The following ZNF557 variants were observed in gnomAD, a reference collection of about 807,000 sequenced individuals.
ZNF557 encodes the protein zinc finger protein 557, also known as CTB-25J19.9.
ZNF557 carries 19 observed loss-of-function variants against 21.2 expected under a neutral mutation model. That is an observed-to-expected ratio of 0.90 (90% confidence interval 0.63 to 1.32). The LOEUF is 1.32. ZNF557 is among the 40% of genes most tolerant of loss of function. The pLI, the probability that ZNF557 is intolerant of heterozygous loss-of-function variation, is 0.00. For missense variants in ZNF557, 487 were observed against 519.8 expected (o/e 0.94, Z 0.61); for synonymous variants, 207 against 194.8 (o/e 1.06, Z -0.52).
chr19:7,082,957 G>T lies in ZNF557; in HGVS notation c.506G>T (p.Arg169Leu). 1 of 1,613,848 alleles carries T rather than the reference G, an allele frequency of 6.2e-7. No homozygotes were observed. The change falls in exon 8 of 8, where the codon CGG becomes CTG. Residue 169 changes from arginine to leucine, a missense_variant. Arg to Leu is a moderately radical substitution (Grantham distance 102). Coordinates refer to ENST00000252840, the MANE Select transcript of ZNF557 (RefSeq NM_024341.3). The stretch of plus-strand genomic sequence containing the variant: ...TTCAGCACAAAATCTTCCCTTACAC[G>T]GCACAGGAAGATTCATACTGGAGAA... The part of the protein sequence containing the change: ...KVFSTKSSLT[R>L]HRKIHTGERP...
chr19:7,076,224 A>G (rs977380910), intron 4 of ZNF557, among the ~76,000 whole-genome samples, 157 bp from the exon 5 acceptor site: 1 of 152,196 alleles, frequency 6.6e-6, no homozygotes, highest in African/African-American at 2.4e-5. Flanking sequence ...CTCAGAAGCC[A>G]GGGAGAAGAG....
chr19:7,070,099 G>A (rs544264283), intron 1 of ZNF557, among the ~76,000 whole-genome samples: 1 of 152,202 alleles, frequency 6.6e-6, no homozygotes, highest in Non-Finnish European at 1.5e-5. Flanking sequence ...GCATCCTGCA[G>A]CGCGTAAAGC....
intron 6 of ZNF557, 92 bp downstream of exon 6, chr19:7,081,547 G>A (rs1023273650): frequency 3.4e-6 from 3 of 874,366 alleles, no homozygotes; most frequent in Admixed American, 2.3e-5. Context: ...GGAAATATCA[G>A]TCAGAGAACT....
chr19:7,071,268 G>T (rs1210333513), intron 2 of ZNF557, among the ~76,000 whole-genome samples: 1 of 151,612 alleles, frequency 6.6e-6, no homozygotes, highest in Admixed American at 6.6e-5. Flanking sequence ...TAACAGGCCT[G>T]CCAGCCTGTA....
intron 3 of ZNF557, 36 bp from the exon 4 acceptor site, chr19:7,075,619 G>C: frequency 6.2e-7 from 1 of 1,605,344 alleles, no homozygotes; most frequent in Non-Finnish European, 8.5e-7. Flanking sequence ...ACACAGGGCA[G>C]GTGTGGATTC....
In ZNF557 at chr19:7,083,416, G is replaced by A; in HGVS notation, c.965G>A (p.Cys322Tyr). The change falls in exon 8 of 8, where the codon TGC becomes TAC. Residue 322 changes from cysteine to tyrosine, a missense_variant. Transcript: ENST00000252840. ...CATACAGGGGAGTACCCTTACGAAT[G>A]CCACGATTGTGGGAGAACCTTCAGG... ...SIHTGEYPYE[C>Y]HDCGRTFRRR... The A allele has an allele frequency of 1.2e-6, 2 of 1,614,200 alleles. No individual in the cohort carries two copies. The highest frequency in any genetic ancestry group is 2.2e-5 in the East Asian group (1 of 44,880).
intron 2 of ZNF557, among the ~76,000 whole-genome samples, chr19:7,074,333 C>T (rs961873291): frequency 4.7e-5 from 7 of 149,618 alleles, no homozygotes; most frequent in African/African-American, 1.2e-4. Flanking sequence ...TGTGTATATA[C>T]ACACACACAC....
intron 5 of ZNF557, among the ~76,000 whole-genome samples, chr19:7,079,628 T>C (rs890859777): frequency 6.6e-6 from 1 of 152,152 alleles, no homozygotes; most frequent in African/African-American, 2.4e-5. Context: ...TAAATCTGAT[T>C]TCCCCCCTCC....
chr19:7,077,216 G>T (rs796969938), intron 5 of ZNF557, among the ~76,000 whole-genome samples: 1 of 128,032 alleles, frequency 7.8e-6, no homozygotes, highest in Admixed American at 1.0e-4. Context: ...GCTTACTGCA[G>T]CCTCCACCTT....
At chr19:7,079,457 A>C (rs144117752) in intron 5 of ZNF557, among the ~76,000 whole-genome samples, 1 of 151,568 alleles carries the variant, frequency 6.6e-6, no homozygotes, top group Admixed American at 6.6e-5. Context: ...AGCCAGGATG[A>C]TCTCGATCTC....
chr19:7,072,537 C>T (rs1463193090), intron 2 of ZNF557, among the ~76,000 whole-genome samples: 2 of 152,202 alleles, frequency 1.3e-5, no homozygotes, highest in Non-Finnish European at 2.9e-5. Flanking sequence ...TAATACCTTT[C>T]AAAATACAAC....
At chr19:7,080,862 C>T (rs966586241) in intron 5 of ZNF557, among the ~76,000 whole-genome samples, 1 of 152,098 alleles carries the variant, frequency 6.6e-6, no homozygotes, top group Non-Finnish European at 1.5e-5. Context: ...TTGTGGAGTT[C>T]CCTACTCCAC....
chr19:7,077,732 TG>T (rs1458353059), intron 5 of ZNF557, among the ~76,000 whole-genome samples: 1 of 152,226 alleles, frequency 6.6e-6, no homozygotes, highest in Non-Finnish European at 1.5e-5. Flanking sequence ...TTTCTACAAC[TG>T]CTACACCATT....
chr19:7,081,866 C>A, intron 6 of ZNF557, 104 bp from the exon 7 acceptor site: 2 of 837,188 alleles, frequency 2.4e-6, no homozygotes, highest in Non-Finnish European at 2.0e-6. Context: ...AAACCCTCAC[C>A]TCTCAGATTC....
At chr19:7,077,240 G>A (rs1249349275) in intron 5 of ZNF557, among the ~76,000 whole-genome samples, 1 of 130,458 alleles carries the variant, frequency 7.7e-6, no homozygotes, top group Non-Finnish European at 1.5e-5. Flanking sequence ...GGTTCAATCT[G>A]TTCTCCTGCC....
rs370454440 is a variant in ZNF557 at position 7,082,898 on chromosome 19, A to C, written c.447A>C (p.Ala149=). Residue 149 remains alanine, a synonymous_variant, in exon 8 of 8, where the codon GCA becomes GCC. Coordinates refer to ENST00000252840, the MANE Select transcript of ZNF557 (RefSeq NM_024341.3). ...NMKMERNHLG[A]TLNECNQCFK... Reference sequence around the variant, plus strand: ...AATAGGAGAGGAATCATCTTGGAGCAACACTCAACGAATGTAATCAGTGTT... The same window carrying C: ...AATAGGAGAGGAATCATCTTGGAGCCACACTCAACGAATGTAATCAGTGTT... The C allele has an allele frequency of 3.8e-6, 6 of 1,589,962 alleles. No individual in the cohort carries two copies. In the African/African-American group the frequency reaches 6.7e-5, roughly 18 times the overall value.
intron 5 of ZNF557, among the ~76,000 whole-genome samples, chr19:7,078,283 T>C (rs938418962): frequency 6.6e-6 from 1 of 152,204 alleles, no homozygotes; most frequent in Non-Finnish European, 1.5e-5. Context: ...TTCAGGATAG[T>C]CTGTCTTTGG....
intron 6 of ZNF557, 132 bp downstream of exon 6, chr19:7,081,587 A>G: frequency 1.5e-6 from 1 of 671,374 alleles, no homozygotes. Flanking sequence ...CAAGAAGGCC[A>G]AGAACGTTTG....
rs1977420365 is a variant in ZNF557 at position 7,069,707 on chromosome 19, T to C, written c.-238T>C. ...CGGAAGCGGAAGCGCGCTTGTGTCT[T>C]GTGAGAAGAGCCGCGCTTGCAGCGT... On this transcript the variant is annotated 5_prime_UTR_variant, in exon 1 of 8. Coordinates refer to ENST00000252840, the MANE Select transcript of ZNF557 (RefSeq NM_024341.3). The C allele has an allele frequency of 6.6e-6, 1 of 152,238 alleles. No homozygotes were observed. The highest frequency in any genetic ancestry group is 1.5e-5 in the Non-Finnish European group (1 of 68,062). 9.4% of individuals were successfully genotyped at this position (152,238 alleles called of 1,614,324 possible). A position where few individuals can be genotyped will look rare whatever the true frequency, so the allele number is the denominator to read the frequency against.
Sources: gnomAD v4.1 joint callset for allele counts (sites outside exome capture counted in the v4.1 genomes callset) on GRCh38, gnomAD v4.1.1 for gene constraint, MANE v1.5 for transcripts, NCBI Gene and HGNC (gene_info 2026-07-23, HGNC 2026-07-21) for gene names.